The following HDAC4 variants were observed in gnomAD, a reference collection of about 807,000 sequenced individuals.
The protein encoded by HDAC4 is histone deacetylase A.
Under a neutral mutation model 135.1 loss-of-function variants are expected in HDAC4, and 16 were observed. The observed-to-expected ratio is 0.12, with a 90% confidence interval of 0.08 to 0.18. HDAC4 has a LOEUF of 0.18. Among genes scored for constraint, HDAC4 ranks in the 10% least tolerant of loss-of-function variants. HDAC4 has a pLI of 1.00. For synonymous variants in HDAC4, 685 were observed against 653.4 expected (o/e 1.05, Z -0.74); for missense variants, 1,143 against 1,511.8 (o/e 0.76, Z 4.05).
intron 5 of HDAC4, among the ~76,000 whole-genome samples, chr2:239,166,166 A>G (rs1169943206): frequency 3.9e-5 from 6 of 152,236 alleles, no homozygotes; most frequent in Non-Finnish European, 5.9e-5. Flanking sequence ...CCCCACTCCC[A>G]TTACATTAAG....
At chr2:239,175,379 C>T (rs1049715222) in intron 5 of HDAC4, among the ~76,000 whole-genome samples, 6 of 152,364 alleles carry the variant, frequency 3.9e-5, no homozygotes, top group South Asian at 2.1e-4. Context: ...CGCTGGGCAC[C>T]GTCCTCGTGC....
Position 239,303,465 on chromosome 2 carries a change from C to T in HDAC4, c.22+49213G>A, listed in dbSNP as rs2052387709. 6.6e-6 allele frequency among the ~76,000 whole-genome samples: 1 copy of T among 152,130 alleles called. No homozygotes were observed. Among genetic ancestry groups the T allele is most frequent in the South Asian group, 2.1e-4 (1 of 4,816 alleles). On this transcript the variant is annotated intron_variant, in intron 2 of 26. Coordinates refer to ENST00000543185, the MANE Select transcript of HDAC4 (RefSeq NM_001378414.1). The surrounding 1 kb of genome is among the most constrained non-coding windows in gnomAD (Gnocchi z 5.1). ...CATCCTGCGAGAGCGTCACAAGCAC[C>T]CCACGAACAAGACACGGCAGCGTGC...
Position 239,387,116 on chromosome 2 carries a change from G to A in HDAC4, c.-220+13862C>T, listed in dbSNP as rs184193683. On this transcript the variant is annotated intron_variant, in intron 1 of 26. Coordinates refer to ENST00000543185, the MANE Select transcript of HDAC4 (RefSeq NM_001378414.1). ...TGGGAATGCTTGCTGTGTGTGGCAC[G>A]TGCACACGCACGTACATGTGTGTTG... 4.6e-5 allele frequency among the ~76,000 whole-genome samples: 7 copies of A among 152,366 alleles called. No homozygotes were observed. The East Asian group carries it at 9.6e-4, about 21-fold the overall frequency.
At chr2:239,136,775 A>G (rs1171291348) in intron 9 of HDAC4, among the ~76,000 whole-genome samples, 1 of 152,232 alleles carries the variant, frequency 6.6e-6, no homozygotes, top group Non-Finnish European at 1.5e-5. Flanking sequence ...CATTGGGGAT[A>G]GGAAGAAACG....
rs2035282392 is a variant in HDAC4, at chr2:239,081,164, T to A, written c.2681A>T (p.Asn894Ile). The change falls in exon 22 of 27, where the codon AAC becomes ATC. Residue 894 changes from asparagine to isoleucine, a missense_variant. Physicochemically the swap from Asn to Ile is moderately radical, Grantham distance 149. Coordinates refer to ENST00000543185, the MANE Select transcript of HDAC4 (RefSeq NM_001378414.1). Reference protein sequence around the residue: ...EVGTGPGVGFNVNMAFTGGLD... With the variant: ...EVGTGPGVGFIVNMAFTGGLD... ...GCCGCCGGTGAAAGCCATGTTGACGTTGAAACCCACGCCGGGCCCTGTGCC... is the reference window on the plus strand; with the variant it reads ...GCCGCCGGTGAAAGCCATGTTGACGATGAAACCCACGCCGGGCCCTGTGCC... 1.2e-6 allele frequency: 2 copies of A among 1,613,750 alleles called. No individual in the cohort carries two copies.
chr2:239,076,349 G>A (rs116128323), intron 22 of HDAC4, among the ~76,000 whole-genome samples: 517 of 152,330 alleles, frequency 3.4e-3, no homozygotes, highest in Non-Finnish European at 4.9e-3. Flanking sequence ...GCTGTGTCAC[G>A]GGGCACGTCT....
rs1409191541 is a variant in HDAC4 at position 239,231,079 on chromosome 2, TAC to T, written c.94+5512_94+5513del. 2.0e-5 allele frequency among the ~76,000 whole-genome samples: 3 copies of T among 152,238 alleles called. No homozygotes were observed. In the East Asian group the frequency reaches 5.8e-4, roughly 29 times the overall value. On this transcript the variant is annotated intron_variant, in intron 3 of 26. Coordinates refer to ENST00000543185, the MANE Select transcript of HDAC4 (RefSeq NM_001378414.1). Reference sequence around the variant, plus strand: ...TTTGCGTTATTTTGGAGAGTTTCTCTACAGTTTCTAGTTAATCCCCTTTAAGG... The same window carrying T: ...TTTGCGTTATTTTGGAGAGTTTCTCTAGTTTCTAGTTAATCCCCTTTAAGG...
intron 3 of HDAC4, among the ~76,000 whole-genome samples, chr2:239,204,301 C>T (rs139148868): frequency 1.1e-3 from 165 of 152,288 alleles, no homozygotes; most frequent in African/African-American, 3.7e-3. Context: ...CCCCTGTGCC[C>T]GGGCCACGGG....
intron 12 of HDAC4, 25 bp downstream of exon 12, chr2:239,126,430 TG>T (rs2040193405): frequency 6.2e-7 from 1 of 1,613,030 alleles, no homozygotes; most frequent in African/African-American, 1.3e-5. Context: ...CCCTGGGGCC[TG>T]GGAGCGCTGA....
chr2:239,197,874 T>TGTGTGTGTGTGC (rs1553553354), intron 3 of HDAC4, among the ~76,000 whole-genome samples: 3 of 151,174 alleles, frequency 2.0e-5, no homozygotes, highest in Non-Finnish European at 4.4e-5. Flanking sequence ...TGTGTGTGTG[T>TGTGTGTGTGTGC]GTGTGTGTGC....
chr2:239,120,701 C>T (rs1055861364), intron 12 of HDAC4, among the ~76,000 whole-genome samples: 2 of 151,920 alleles, frequency 1.3e-5, no homozygotes, highest in African/African-American at 2.4e-5. Context: ...CAGCAATGAC[C>T]GAAGTGGTGT....
chr2:239,095,476 G>A (rs117716316), intron 16 of HDAC4, among the ~76,000 whole-genome samples: 1 of 152,172 alleles, frequency 6.6e-6, no homozygotes, highest in Non-Finnish European at 1.5e-5. Flanking sequence ...TTGTCTAGCA[G>A]CCCCCTCCCA....
Position 239,205,092 on chromosome 2 carries a change from C to T in HDAC4, c.95-15015G>A, listed in dbSNP as rs573272883. Reference sequence around the variant, plus strand: ...CTTCCGGCCTGGTCTCCCCACCCCACGTGGCTGGCAGGTGGCAAGGCCTAC... The same window carrying T: ...CTTCCGGCCTGGTCTCCCCACCCCATGTGGCTGGCAGGTGGCAAGGCCTAC... On this transcript the variant is annotated intron_variant, in intron 3 of 26. Transcript: ENST00000543185. Among the ~76,000 whole-genome samples the T allele has an allele frequency of 5.9e-5, 9 of 152,332 alleles. No individual in the cohort carries two copies. The East Asian group carries it at 1.5e-3, about 26-fold the overall frequency.
chr2:239,115,421 C>A lies in HDAC4; in HGVS notation c.1534-111G>T. On this transcript the variant is annotated intron_variant, in intron 12 of 26. Coordinates refer to ENST00000543185, the MANE Select transcript of HDAC4 (RefSeq NM_001378414.1). This position sits in a 1 kb window ranked among gnomAD's most constrained non-coding sequence, Gnocchi z 6.3. Reference sequence around the variant, plus strand: ...CCTCTGGGGCAGACAATCAGGGACTCAGGGCACCTTATCACCCTGCCACAG... The same window carrying A: ...CCTCTGGGGCAGACAATCAGGGACTAAGGGCACCTTATCACCCTGCCACAG... 2 of 1,366,030 alleles carry A rather than the reference C, an allele frequency of 1.5e-6. No individual in the cohort carries two copies. Among genetic ancestry groups the A allele is most frequent in the South Asian group, 1.2e-5 (1 of 80,662 alleles). 84.6% of individuals were successfully genotyped at this position (1,366,030 alleles called of 1,614,324 possible).
At chr2:239,227,938 T>G (rs2047336378) in intron 3 of HDAC4, among the ~76,000 whole-genome samples, 2 of 152,148 alleles carry the variant, frequency 1.3e-5, no homozygotes, top group African/African-American at 4.8e-5. Context: ...TCAAGACACA[T>G]TTTCAACGCA....
At chr2:239,208,603 G>A (rs1238363689) in intron 3 of HDAC4, among the ~76,000 whole-genome samples, 1 of 152,028 alleles carries the variant, frequency 6.6e-6, no homozygotes, top group Non-Finnish European at 1.5e-5. Flanking sequence ...ACAAAGGGAG[G>A]GAACACAACT....
chr2:239,087,658 C>T (rs750629520), intron 18 of HDAC4, 44 bp from the exon 19 acceptor site: 2 of 1,577,860 alleles, frequency 1.3e-6, no homozygotes, highest in Admixed American at 1.7e-5. Flanking sequence ...ACAAAAGACA[C>T]ACTTTGTAGC....
intron 24 of HDAC4, among the ~76,000 whole-genome samples, chr2:239,066,082 G>A (rs1324785007): frequency 6.6e-6 from 1 of 152,194 alleles, no homozygotes; most frequent in Non-Finnish European, 1.5e-5. Context: ...TGGGAGCAGG[G>A]AGGCCCGGGC....
intron 2 of HDAC4, among the ~76,000 whole-genome samples, chr2:239,343,892 C>A (rs1397225443): frequency 1.3e-5 from 2 of 152,216 alleles, no homozygotes; most frequent in Non-Finnish European, 1.5e-5. Context: ...GTTTCCTCAT[C>A]TACAAAACAG....
Sources: allele counts gnomAD v4.1 joint callset (sites outside exome capture counted in the v4.1 genomes callset), GRCh38; gene constraint gnomAD v4.1.1; non-coding constraint Gnocchi (gnomAD v3.1); transcripts MANE v1.5; gene names NCBI Gene and HGNC (gene_info 2026-07-23, HGNC 2026-07-21).